Variants in ZZEF1 observed in about 807,000 individuals in gnomAD.
ZZEF1 encodes the protein zinc finger ZZ-type and EF-hand domain-containing protein 1.
In ZZEF1, 157 loss-of-function variants were observed where a neutral mutation model predicts 342.8. The observed-to-expected ratio is 0.46, with a 90% CI of 0.40 to 0.52. The LOEUF is 0.52. Ranked by LOEUF, ZZEF1 falls within the 20% of genes least tolerant of loss-of-function variation. The probability of loss-of-function intolerance (pLI) is 0.00; values close to 1 mark genes in which losing one functional copy is unlikely to be tolerated. For missense variants in ZZEF1, 3,480 were observed against 3,725.6 expected, an observed-to-expected ratio of 0.93 and a Z score of 1.72; for synonymous variants, 1,505 against 1,429.1, an observed-to-expected ratio of 1.05 and a Z score of -1.20.
chr17:4,005,697 T>A lies in ZZEF1; in HGVS notation c.*1193A>T, dbSNP rs1304716384. ...CTGACCTGGTCAAGCTTGGCCTTGGTGGTGGGGCCCCTTCTCTGGCTCTGG... is the reference window on the plus strand; with the variant it reads ...CTGACCTGGTCAAGCTTGGCCTTGGAGGTGGGGCCCCTTCTCTGGCTCTGG... On this transcript the variant is annotated 3_prime_UTR_variant, in exon 55 of 55. Transcript: ENST00000381638. 1.3e-5 allele frequency: 2 copies of A among 152,324 alleles called. No homozygotes were observed. The highest frequency in any genetic ancestry group is 1.3e-4 in the Admixed American group (2 of 15,292). 9.4% of individuals were successfully genotyped at this position (152,324 alleles called of 1,614,324 possible). A position where few individuals can be genotyped will look rare whatever the true frequency, so the allele number is the denominator to read the frequency against.
chr17:4,104,235 C>A (rs1325224596), intron 8 of ZZEF1, among the ~76,000 whole-genome samples: 1 of 152,270 alleles, frequency 6.6e-6, no homozygotes, highest in South Asian at 2.1e-4. Flanking sequence ...CCCTTTGCAC[C>A]GTATCTTGGC....
chr17:4,106,480 GA>G (rs71144161), intron 6 of ZZEF1, among the ~76,000 whole-genome samples: 19 of 144,326 alleles, frequency 1.3e-4, no homozygotes, highest in African/African-American at 2.3e-4. Flanking sequence ...CAGCAACAGG[GA>G]AAAAAAAAAA....
intron 39 of ZZEF1, 26 bp downstream of exon 39, chr17:4,042,403 C>T (rs756647329): frequency 1.3e-6 from 2 of 1,599,916 alleles, no homozygotes; most frequent in African/African-American, 1.3e-5. Flanking sequence ...CCACCACCCC[C>T]ACTTTTAAAA....
At chr17:4,116,004 A>G (rs779633081) in intron 3 of ZZEF1, among the ~76,000 whole-genome samples, 18 of 152,178 alleles carry the variant, frequency 1.2e-4, no homozygotes, top group Non-Finnish European at 2.4e-4. Context: ...TCTGAAATTT[A>G]TTTTAGTGAA....
At chr17:4,042,996 T>A (rs2056835120) in intron 38 of ZZEF1, among the ~76,000 whole-genome samples, 1 of 152,186 alleles carries the variant, frequency 6.6e-6, no homozygotes, top group Non-Finnish European at 1.5e-5. Context: ...GCTGGGATTT[T>A]AAAAGCCTAT....
chr17:4,052,023 C>T lies in ZZEF1; in HGVS notation c.5548G>A (p.Asp1850Asn), dbSNP rs561018118. The T allele has an allele frequency of 1.5e-5, 24 of 1,614,206 alleles. No individual in the cohort carries two copies. Among genetic ancestry groups the T allele is most frequent in the African/African-American group, 1.3e-4 (10 of 75,062 alleles). ...CATCCGTAGCAAAGATCAAAGTCAT[C>T]GCAAACATTGCAGTTCATCCTCCGG... is the stretch of plus-strand genomic sequence containing the variant. ...IGRRMNCNVCDDFDLCYGCYA... is the reference protein window; with the variant it reads ...IGRRMNCNVCNDFDLCYGCYA... The change falls in exon 35 of 55, where the codon GAT (aspartate) becomes AAT (asparagine). Residue 1850 changes from aspartate to asparagine, a missense_variant. Transcript: ENST00000381638.
Position 4,049,848 on chromosome 17 carries a change from G to C in ZZEF1, c.5875C>G (p.Leu1959Val), listed in dbSNP as rs752196703. Residue 1959 changes from leucine to valine, a missense_variant, in exon 37 of 55, where the codon CTA becomes GTA. Leu to Val is a conservative substitution (Grantham distance 32, BLOSUM62 1). This residue lies in a region of ZZEF1 where 1,269 missense variants were observed against 1,342.4 expected (regional missense o/e 0.95). Coordinates refer to ENST00000381638, the MANE Select transcript of ZZEF1 (RefSeq NM_015113.4). ...TCTGGCAATACACCCAGCAAAGCTA[G>C]AGCTTTAAGGCCTATGTGGGAAGCA... is the stretch of plus-strand genomic sequence containing the variant. ...KAHQGKGLKA[L>V]ALLGVLPDGD... 1.9e-6 allele frequency: 3 copies of C among 1,614,136 alleles called. No individual in the cohort carries two copies. Among genetic ancestry groups the C allele is most frequent in the East Asian group, 2.2e-5 (1 of 44,880 alleles).
Position 4,090,716 on chromosome 17 carries a change from T to G in ZZEF1, c.2025+3A>C. On this transcript the variant is annotated splice_donor_region_variant and intron_variant, in intron 12 of 54. Transcript: ENST00000381638. ...AGTGGGCAAACGACGCACTAATGCTTACTTTGGCAACTCTGCACTGTTGCA... is the reference window on the plus strand; with the variant it reads ...AGTGGGCAAACGACGCACTAATGCTGACTTTGGCAACTCTGCACTGTTGCA... The G allele has an allele frequency of 6.2e-7, 1 of 1,613,268 alleles. No homozygotes were observed. Among genetic ancestry groups the G allele is most frequent in the Non-Finnish European group, 8.5e-7 (1 of 1,179,360 alleles).
chr17:4,105,295 C>T (rs181338127), intron 7 of ZZEF1, among the ~76,000 whole-genome samples: 1 of 152,248 alleles, frequency 6.6e-6, no homozygotes, highest in Non-Finnish European at 1.5e-5. Flanking sequence ...AGTGTCCCTA[C>T]ACAAAGTGGT....
At chr17:4,012,960 A>G (rs189437245) in intron 52 of ZZEF1, among the ~76,000 whole-genome samples, 3 of 152,300 alleles carry the variant, frequency 2.0e-5, no homozygotes, top group African/African-American at 7.2e-5. Context: ...ATAGAGGAAT[A>G]TAAATAGAGG....
chr17:4,082,622 A>T, intron 16 of ZZEF1, 118 bp from the exon 17 acceptor site: 2 of 916,504 alleles, frequency 2.2e-6, no homozygotes, highest in Non-Finnish European at 3.4e-6. Context: ...ATGCCAGGCC[A>T]GCAGACTACC....
intron 37 of ZZEF1, among the ~76,000 whole-genome samples, chr17:4,048,786 T>C (rs2056981181): frequency 6.6e-6 from 1 of 152,036 alleles, no homozygotes; most frequent in Non-Finnish European, 1.5e-5. Flanking sequence ...CCATCTTGGC[T>C]CACTGCAACC....
Position 4,016,053 on chromosome 17 carries a change from A to T in ZZEF1, c.8145+270T>A, listed in dbSNP as rs532092911. Among the ~76,000 whole-genome samples, 2 of 152,326 alleles carry T rather than the reference A, an allele frequency of 1.3e-5. No individual in the cohort carries two copies. The highest frequency in any genetic ancestry group is 6.5e-5 in the Admixed American group (1 of 15,300). ...TCACTCTGAGGAGCCTGCCGCAGGG[A>T]AAGTAAAGCTCTCCTCCAGGGCTAG... is the stretch of plus-strand genomic sequence containing the variant. On this transcript the variant is annotated intron_variant, in intron 49 of 54. Transcript: ENST00000381638. The surrounding 1 kb of genome is among the most constrained non-coding windows in gnomAD (Gnocchi z 4.4).
intron 10 of ZZEF1, 105 bp downstream of exon 10, chr17:4,096,504 T>C: frequency 1.1e-6 from 1 of 927,824 alleles, no homozygotes; most frequent in Non-Finnish European, 1.7e-6. Flanking sequence ...CATGCCTGTA[T>C]CAAAACACCT....
At chr17:4,030,288 C>G (rs1294280740) in intron 42 of ZZEF1, among the ~76,000 whole-genome samples, 1 of 152,004 alleles carries the variant, frequency 6.6e-6, no homozygotes, top group Non-Finnish European at 1.5e-5. Context: ...GGCTCATACC[C>G]CAATATGCCA....
rs1157085131 is a variant in ZZEF1, at chr17:4,005,875, C to T, written c.*1015G>A. On this transcript the variant is annotated 3_prime_UTR_variant, in exon 55 of 55. Transcript: ENST00000381638. ...TGGAGGGAGAATCATCATCGGCACT[C>T]CAGGGCAAGACTAAACCCATCAAAA... 4 of 152,258 alleles carry T rather than the reference C, an allele frequency of 2.6e-5. No homozygotes were observed. The allele number at this position is 152,258 out of a possible 1,614,324, so 9.4% of individuals were successfully genotyped here.
chr17:4,048,663 A>C (rs1328280433), intron 37 of ZZEF1, among the ~76,000 whole-genome samples: 1 of 152,212 alleles, frequency 6.6e-6, no homozygotes, highest in Non-Finnish European at 1.5e-5. Flanking sequence ...TGTTGACTGA[A>C]TATAAATACA....
chr17:4,059,424 C>A, intron 30 of ZZEF1, 134 bp from the exon 31 acceptor site: 1 of 1,074,008 alleles, frequency 9.3e-7, no homozygotes, highest in Non-Finnish European at 1.3e-6. Flanking sequence ...TAAGTAAATA[C>A]AAATATAATA....
intron 1 of ZZEF1, among the ~76,000 whole-genome samples, chr17:4,128,816 G>C (rs1325387214): frequency 1.6e-5 from 2 of 128,920 alleles, no homozygotes; most frequent in African/African-American, 6.1e-5. Context: ...CTGTCGCCCA[G>C]ACTGGAGTGC....
Sources: gnomAD v4.1 joint callset for allele counts (sites outside exome capture counted in the v4.1 genomes callset) on GRCh38, gnomAD v4.1.1 for gene constraint, gnomAD v4.1.1 regional missense constraint, Gnocchi (gnomAD v3.1) non-coding constraint, MANE v1.5 for transcripts, NCBI Gene and HGNC (gene_info 2026-07-23, HGNC 2026-07-21) for gene names.